TMEM175: variants seen among roughly 807,000 people sequenced by gnomAD.
TMEM175 encodes endosomal/lysosomal proton channel TMEM175.
TMEM175 carries 36 observed loss-of-function variants against 36.5 expected under a neutral mutation model. The observed-to-expected ratio is 0.99, with a 90% CI of 0.76 to 1.30. The LOEUF (loss-of-function observed/expected upper bound fraction) is 1.30. Ranked by LOEUF, TMEM175 falls within the 50% of genes most tolerant of loss-of-function variation. The pLI, the probability that TMEM175 is intolerant of heterozygous loss-of-function variation, is 0.00. For missense variants in TMEM175, 705 were observed against 692.8 expected (o/e 1.02, Z -0.20); for synonymous variants, 339 against 313.4 (o/e 1.08, Z -0.86).
chr4:935,840 C>T (rs1250640135), intron 1 of TMEM175, among the ~76,000 whole-genome samples: 3 of 152,152 alleles, frequency 2.0e-5, no homozygotes, highest in African/African-American at 7.2e-5. Context: ...AAAATCCTTT[C>T]AATATTTGGA....
At chr4:956,079 CT>C in intron 10 of TMEM175, 189 bp downstream of exon 10, 1 of 819,148 alleles carries the variant, frequency 1.2e-6, no homozygotes, top group Non-Finnish European at 1.9e-6. Context: ...CGGCCCCTCC[CT>C]TCCCAGCGGC....
chr4:941,840 CAGG>C (rs1045716828), intron 1 of TMEM175, among the ~76,000 whole-genome samples: 3 of 151,902 alleles, frequency 2.0e-5, no homozygotes, highest in Admixed American at 6.6e-5. Flanking sequence ...GAGGCCGAGG[CAGG>C]AGAATTGCTA....
chr4:943,371 C>T (rs1237861401), intron 1 of TMEM175, among the ~76,000 whole-genome samples: 1 of 152,226 alleles, frequency 6.6e-6, no homozygotes, highest in Admixed American at 6.5e-5. Context: ...CCTGCCTCAG[C>T]CTCCCGAGTA....
intron 3 of TMEM175, chr4:948,571 C>G: frequency 7.6e-7 from 1 of 1,323,524 alleles, no homozygotes; most frequent in South Asian, 1.2e-5. Flanking sequence ...AGCGCCCCGT[C>G]TCAGCGGGGA....
intron 2 of TMEM175, 32 bp from the exon 3 acceptor site, chr4:948,084 T>A: frequency 6.2e-7 from 1 of 1,614,114 alleles, no homozygotes; most frequent in Non-Finnish European, 8.5e-7. Flanking sequence ...TCTCTTGCTC[T>A]CCTGCTTCCT....
At chr4:934,378 G>A (rs745354554) in intron 1 of TMEM175, among the ~76,000 whole-genome samples, 11 of 152,184 alleles carry the variant, frequency 7.2e-5, no homozygotes, top group South Asian at 2.1e-4. Flanking sequence ...GAGGATGTTC[G>A]GGGCAGAGAG....
chr4:954,905 A>G (rs1577444711), intron 8 of TMEM175, among the ~76,000 whole-genome samples: 1 of 152,156 alleles, frequency 6.6e-6, no homozygotes, highest in East Asian at 1.9e-4. Flanking sequence ...GTTTGGAGCA[A>G]TGTCTGTTCT....
intron 5 of TMEM175, 82 bp downstream of exon 5, chr4:951,340 G>A: frequency 4.0e-6 from 6 of 1,511,852 alleles, no homozygotes; most frequent in Non-Finnish European, 5.5e-6. Context: ...GGAGCAGCCG[G>A]CCTCTCTCGT....
Position 957,824 on chromosome 4 carries a change from C to A in TMEM175, c.843C>A (p.Cys281Ter). 6.2e-7 allele frequency: 1 copy of A among 1,601,724 alleles called. No individual in the cohort carries two copies. The highest frequency in any genetic ancestry group is 1.1e-5 in the South Asian group (1 of 89,104). ...AAATGCATCTATTCACTGTTCTCAG[C>A]GAAGACAACGTCCCGGACCCCAAGG... ...IVATLLILDI[C>*]EDNVPDPKDV... Residue 281 changes from cysteine to a stop codon, truncating the protein, a stop_gained and splice_region_variant, in exon 11 of 11, where the codon TGC becomes TGA. Transcript: ENST00000264771. LOFTEE classifies it low-confidence loss of function (END_TRUNC).
Position 951,183 on chromosome 4 carries a change from C to CT in TMEM175, c.291-23dup, listed in dbSNP as rs1560490038. 7.4e-6 allele frequency: 12 copies of CT among 1,612,348 alleles called. 1 individual carries two copies. In the South Asian group the frequency reaches 1.3e-4, roughly 18 times the overall value. On this transcript the variant is annotated intron_variant, in intron 4 of 10. Transcript: ENST00000264771. ...TGTTACTACAACCGCGTTTTATTGTCTATCTTTTTCTTAAATGGTTTAGGT... is the reference window on the plus strand; with the variant it reads ...TGTTACTACAACCGCGTTTTATTGTCTTATCTTTTTCTTAAATGGTTTAGGT...
chr4:958,137 G>A lies in TMEM175; in HGVS notation c.1156G>A (p.Ala386Thr). The part of the protein sequence containing the change: ...VRVSCTIIFL[A>T]SIFQLAMWTT... ...TGTCAGCTGCACCATCATCTTCCTG[G>A]CCAGCATCTTCCAGCTGGCCATGTG... The change falls in exon 11 of 11, where the codon GCC becomes ACC. Residue 386 changes from alanine to threonine, a missense_variant. Ala to Thr is a moderately conservative substitution (Grantham distance 58). Transcript: ENST00000264771. The A allele has an allele frequency of 6.2e-7, 1 of 1,603,110 alleles. No individual in the cohort carries two copies.
chr4:956,645 A>T (rs1227088045), intron 10 of TMEM175: 13 of 407,774 alleles, frequency 3.2e-5, no homozygotes, highest in Non-Finnish European at 5.6e-5. Context: ...GGTTTCACCA[A>T]GTTGGCCAGG....
chr4:941,047 A>AATAATAATG (rs1398093894), intron 1 of TMEM175, among the ~76,000 whole-genome samples: 2 of 146,174 alleles, frequency 1.4e-5, no homozygotes, highest in Admixed American at 6.9e-5. Flanking sequence ...TAATAATAAT[A>AATAATAATG]ATGGGAGAAA....
chr4:948,987 C>T (rs1234519828), intron 3 of TMEM175, among the ~76,000 whole-genome samples: 1 of 152,126 alleles, frequency 6.6e-6, no homozygotes, highest in East Asian at 1.9e-4. Context: ...GCCCAGTCTG[C>T]AGGGAGACCC....
At chr4:938,604 A>G (rs1231861301) in intron 1 of TMEM175, among the ~76,000 whole-genome samples, 1 of 152,228 alleles carries the variant, frequency 6.6e-6, no homozygotes, top group Admixed American at 6.5e-5. Context: ...AATCAATTCT[A>G]TTTCTACGTA....
At chr4:944,613 A>C (rs1727908295) in intron 1 of TMEM175, among the ~76,000 whole-genome samples, 1 of 152,150 alleles carries the variant, frequency 6.6e-6, no homozygotes, top group African/African-American at 2.4e-5. Context: ...GTGTATAATT[A>C]AGAAGATAGA....
chr4:952,941 C>T (rs1469610879), intron 7 of TMEM175, among the ~76,000 whole-genome samples: 1 of 151,986 alleles, frequency 6.6e-6, no homozygotes, highest in Non-Finnish European at 1.5e-5. Flanking sequence ...GCCCCAGGAG[C>T]CAGCAGGGGC....
At chr4:951,345 T>TCTCGTGCTCC (rs1728865875) in intron 5 of TMEM175, 87 bp downstream of exon 5, 1 of 1,449,242 alleles carries the variant, frequency 6.9e-7, no homozygotes, top group Non-Finnish European at 9.7e-7. Flanking sequence ...AGCCGGCCTC[T>TCTCGTGCTCC]CTCGTGACCT....
intron 8 of TMEM175, 103 bp from the exon 9 acceptor site, chr4:955,298 ACCCT>A: frequency 1.2e-6 from 1 of 808,770 alleles, no homozygotes; most frequent in South Asian, 1.5e-5. Context: ...ATCTGCAAAG[ACCCT>A]CCCTTCTGCC....
Sources: gnomAD v4.1 joint callset for allele counts (sites outside exome capture counted in the v4.1 genomes callset) on GRCh38, gnomAD v4.1.1 for gene constraint, MANE v1.5 for transcripts, NCBI Gene and HGNC (gene_info 2026-07-23, HGNC 2026-07-21) for gene names.